The following RSPRY1 variants were observed in gnomAD, a reference collection of about 807,000 sequenced individuals.
The protein encoded by RSPRY1 is ring finger and SPRY domain containing 1.
RSPRY1 carries 23 observed loss-of-function variants against 73.1 expected under a neutral mutation model. The observed-to-expected ratio is 0.31, with a 90% CI of 0.23 to 0.45. RSPRY1 has a LOEUF of 0.45. Among genes scored for constraint, RSPRY1 ranks in the 20% least tolerant of loss-of-function variants. The probability of loss-of-function intolerance (pLI) is 1.00; values close to 1 mark genes in which losing one functional copy is unlikely to be tolerated. For synonymous variants in RSPRY1, 226 were observed against 251.4 expected (o/e 0.90, Z 0.95); for missense variants, 448 against 698.7 (o/e 0.64, Z 4.05).
chr16:57,235,998 A>G (rs1347944051), intron 14 of RSPRY1, among the ~76,000 whole-genome samples: 2 of 152,196 alleles, frequency 1.3e-5, no homozygotes, highest in Non-Finnish European at 2.9e-5. Context: ...TAAGGGAAGT[A>G]GAGTGTGTCT....
chr16:57,211,992 A>G (rs1406525291), intron 4 of RSPRY1, among the ~76,000 whole-genome samples: 1 of 152,226 alleles, frequency 6.6e-6, no homozygotes, highest in Non-Finnish European at 1.5e-5. Flanking sequence ...CTAGGCTTAT[A>G]AGAGCTGCCT....
At chr16:57,188,286 A>G (rs1297628613) in intron 1 of RSPRY1, among the ~76,000 whole-genome samples, 2 of 152,102 alleles carry the variant, frequency 1.3e-5, no homozygotes, top group Non-Finnish European at 2.9e-5. Context: ...ACATTTTACT[A>G]GTGTTTGGTT....
chr16:57,237,543 C>T (rs1329601081), intron 14 of RSPRY1, among the ~76,000 whole-genome samples: 1 of 152,060 alleles, frequency 6.6e-6, no homozygotes, highest in African/African-American at 2.4e-5. Flanking sequence ...TGTTAAAATT[C>T]AATATCCATT....
intron 1 of RSPRY1, among the ~76,000 whole-genome samples, chr16:57,200,529 G>A (rs1194767172): frequency 2.1e-4 from 30 of 141,954 alleles, no homozygotes; most frequent in South Asian, 4.7e-4. Flanking sequence ...CTGGCCGGGC[G>A]GGGGGCTGAC....
chr16:57,210,058 C>G (rs1191612793), intron 4 of RSPRY1, among the ~76,000 whole-genome samples: 2 of 131,534 alleles, frequency 1.5e-5, no homozygotes, highest in East Asian at 3.1e-4. Context: ...TTCCTCCCTT[C>G]CTCCCTTCCT....
At chr16:57,187,510 G>T (rs1380207642) in intron 1 of RSPRY1, among the ~76,000 whole-genome samples, 1 of 152,118 alleles carries the variant, frequency 6.6e-6, no homozygotes, top group Middle Eastern at 3.2e-3. Context: ...TTGCTTAGTG[G>T]AGTGACTTAA....
intron 14 of RSPRY1, among the ~76,000 whole-genome samples, chr16:57,238,299 T>C (rs2075330986): frequency 6.6e-6 from 1 of 152,222 alleles, no homozygotes; most frequent in African/African-American, 2.4e-5. Flanking sequence ...CAACATGATT[T>C]TTTTCTGGAA....
At chr16:57,230,005 C>CTTTTT (rs544045998) in intron 11 of RSPRY1, among the ~76,000 whole-genome samples, 3 of 44,952 alleles carry the variant, frequency 6.7e-5, no homozygotes, top group African/African-American at 8.8e-5. Context: ...ACGCCCTGCC[C>CTTTTT]TTTTTTTTTT....
intron 4 of RSPRY1, among the ~76,000 whole-genome samples, chr16:57,210,727 A>C (rs1226747351): frequency 6.6e-6 from 1 of 151,088 alleles, no homozygotes; most frequent in Non-Finnish European, 1.5e-5. Context: ...AAAAAAAAAG[A>C]AGCATTTAGG....
chr16:57,186,226 T>C (rs918053570), upstream of RSPRY1: 60 of 959,480 alleles, frequency 6.3e-5, no homozygotes, highest in Non-Finnish European at 7.4e-5. Flanking sequence ...CGTGACACGA[T>C]TTTTGAAAGG....
intron 10 of RSPRY1, among the ~76,000 whole-genome samples, chr16:57,222,376 A>G (rs2075052634): frequency 6.6e-6 from 1 of 152,232 alleles, no homozygotes; most frequent in Non-Finnish European, 1.5e-5. Context: ...CTACAGGCAC[A>G]TCCCATGGTG....
chr16:57,231,826 A>G (rs2075226548), intron 13 of RSPRY1, among the ~76,000 whole-genome samples: 2 of 152,212 alleles, frequency 1.3e-5, no homozygotes, highest in Admixed American at 6.5e-5. Flanking sequence ...CAAAGATGAC[A>G]ACACTGTTCC....
chr16:57,204,441 A>G, intron 1 of RSPRY1, 63 bp from the exon 2 acceptor site: 1 of 506,478 alleles, frequency 2.0e-6, no homozygotes, highest in South Asian at 3.1e-5. Flanking sequence ...AGACTAGGAA[A>G]ATTTGAGTAA....
At chr16:57,208,209 A>G (rs1020799783) in intron 3 of RSPRY1, 99 bp downstream of exon 3, 4 of 741,188 alleles carry the variant, frequency 5.4e-6, no homozygotes, top group Non-Finnish European at 8.7e-6. Flanking sequence ...TTGAGATAAA[A>G]GACTCCAAAA....
At chr16:57,205,279 A>T in intron 2 of RSPRY1, 1 of 395,988 alleles carries the variant, frequency 2.5e-6, no homozygotes, top group Non-Finnish European at 4.7e-6. Flanking sequence ...GAATAGAGTA[A>T]ATATGGAGTG....
At chr16:57,203,782 C>A (rs947094990) in intron 1 of RSPRY1, among the ~76,000 whole-genome samples, 10 of 152,310 alleles carry the variant, frequency 6.6e-5, no homozygotes, top group African/African-American at 1.9e-4. Context: ...TAAATTGGTG[C>A]ATCTTATTCT....
At chr16:57,224,007 G>T (rs550479026) in intron 10 of RSPRY1, among the ~76,000 whole-genome samples, 2 of 152,180 alleles carry the variant, frequency 1.3e-5, no homozygotes, top group African/African-American at 2.4e-5. Flanking sequence ...TCCTTCCCCT[G>T]TTGAAGCATC....
intron 1 of RSPRY1, among the ~76,000 whole-genome samples, chr16:57,198,483 T>C (rs1398941662): frequency 6.6e-6 from 1 of 152,210 alleles, no homozygotes; most frequent in Non-Finnish European, 1.5e-5. Flanking sequence ...GAATTTAAGA[T>C]CCAACAAACC....
intron 1 of RSPRY1, among the ~76,000 whole-genome samples, chr16:57,199,895 G>GTTTTTTTTTTTTTTTTTTTTTTTT (rs61132783): frequency 9.4e-6 from 1 of 106,252 alleles, no homozygotes; most frequent in Non-Finnish European, 1.9e-5. Flanking sequence ...TTTTTTGTTT[G>GTTTTTTTTTTTTTTTTTTTTTTTT]TTTTTTTTTT....
Sources: allele counts gnomAD v4.1 joint callset (sites outside exome capture counted in the v4.1 genomes callset), GRCh38; gene constraint gnomAD v4.1.1; transcripts MANE v1.5; gene names NCBI Gene and HGNC (gene_info 2026-07-23, HGNC 2026-07-21).